Variants in ILDR2 observed in about 807,000 individuals in gnomAD.
ILDR2 encodes immunoglobulin-like domain-containing receptor 2.
ILDR2 carries 25 observed loss-of-function variants against 66.8 expected under a neutral mutation model. The observed-to-expected ratio is 0.37, with a 90% CI of 0.27 to 0.52. The LOEUF (loss-of-function observed/expected upper bound fraction) is 0.52, where lower values mean the gene tolerates loss of function less well. Among genes scored for constraint, ILDR2 ranks in the 20% least tolerant of loss-of-function variants. The probability of loss-of-function intolerance (pLI) is 0.88; values close to 1 mark genes in which losing one functional copy is unlikely to be tolerated. For missense variants in ILDR2, 827 were observed against 876.8 expected (o/e 0.94, Z 0.72); for synonymous variants, 367 against 357.2 (o/e 1.03, Z -0.31).
At chr1:166,896,632 C>A (rs1336229725) in intron 2 of ILDR2, among the ~76,000 whole-genome samples, 3 of 144,602 alleles carry the variant, frequency 2.1e-5, no homozygotes, top group African/African-American at 5.1e-5. Flanking sequence ...TTAACTTCAT[C>A]TACTTTTTTT....
intron 1 of ILDR2, 89 bp from the exon 2 acceptor site, chr1:166,958,190 C>T: frequency 9.3e-7 from 1 of 1,078,572 alleles, no homozygotes; most frequent in East Asian, 2.4e-5. Context: ...TTTCACTTCC[C>T]TAACTTGTGT....
At chr1:166,961,034 A>G (rs1053714253) in intron 1 of ILDR2, among the ~76,000 whole-genome samples, 2 of 152,196 alleles carry the variant, frequency 1.3e-5, no homozygotes, top group African/African-American at 4.8e-5. Flanking sequence ...GTGCTTGACC[A>G]CACCCCTTTT....
At chr1:166,925,848 T>C (rs1018366213) in intron 7 of ILDR2, among the ~76,000 whole-genome samples, 2 of 152,218 alleles carry the variant, frequency 1.3e-5, no homozygotes, top group Non-Finnish European at 2.9e-5. Context: ...AGTTTTAACC[T>C]TAGCTGTTAA....
At position 166,921,126 on chromosome 1, in the gene ILDR2, T is replaced by C. The variant is rs539298723; in HGVS notation, c.1465A>G (p.Thr489Ala). ...GQRSRSREPLTDADRGWAFSP... is the reference protein window; with the variant it reads ...GQRSRSREPLADADRGWAFSP... ...AAGGCCCAGCCGCGGTCAGCATCGG[T>C]CAGGGGCTCGCGGCTGCGGCTGCGC... Residue 489 changes from threonine (T) to alanine (A), a missense_variant, in exon 9 of 10, where the codon ACC becomes GCC. This residue lies in a region of ILDR2 where 390 missense variants were observed against 353.6 expected (regional missense o/e 1.10). Coordinates refer to ENST00000271417, the MANE Select transcript of ILDR2 (RefSeq NM_199351.3). The surrounding 1 kb of genome is among the most constrained non-coding windows in gnomAD (Gnocchi z 5.3). The C allele has an allele frequency of 8.2e-5, 126 of 1,529,590 alleles. 2 individuals are homozygous for C. The South Asian group carries it at 1.4e-3, about 17-fold the overall frequency. The allele number at this position is 1,529,590 out of a possible 1,614,324, so 94.8% of individuals were successfully genotyped here. A position where few individuals can be genotyped will look rare whatever the true frequency, so the allele number is the denominator to read the frequency against.
rs763977417 is a variant in ILDR2, at chr1:166,935,326, A to C, written c.855T>G (p.Ser285Arg). 1 of 1,614,114 alleles carries C rather than the reference A, an allele frequency of 6.2e-7. No homozygotes were observed. The highest frequency in any genetic ancestry group is 8.5e-7 in the Non-Finnish European group (1 of 1,180,024). ...CACTGTGGCTTCCTCCAGTGGAGTCACTTGGTGCCAAGGGAGGTGGATGCG... is the reference window on the plus strand; with the variant it reads ...CACTGTGGCTTCCTCCAGTGGAGTCCCTTGGTGCCAAGGGAGGTGGATGCG... ...DKPHPPPLAP[S>R]DSTGGSHSVR... The change falls in exon 6 of 10, where the codon AGT becomes AGG. Residue 285 changes from serine (S) to arginine (R), a missense_variant. Transcript: ENST00000271417.
At chr1:166,906,818 C>T (rs571190806), downstream of ILDR2, among the ~76,000 whole-genome samples, 89 of 152,144 alleles carry the variant, frequency 5.8e-4, no homozygotes, top group Non-Finnish European at 7.5e-4. Flanking sequence ...CAAGATATGA[C>T]GTGGCTGTAT....
chr1:166,956,047 C>T (rs1246065689), intron 3 of ILDR2, among the ~76,000 whole-genome samples: 1 of 152,172 alleles, frequency 6.6e-6, no homozygotes, highest in Non-Finnish European at 1.5e-5. Context: ...CAGAGGTCAG[C>T]TCCCACTGAC....
chr1:166,919,049 G>A lies in ILDR2; in HGVS notation c.*306C>T, dbSNP rs528231092. On this transcript the variant is annotated 3_prime_UTR_variant, in exon 10 of 10. Coordinates refer to ENST00000271417, the MANE Select transcript of ILDR2 (RefSeq NM_199351.3). ...CTAACTCTCTTTCAGAATTGCAAAT[G>A]GAGTCCTGGTTCTGTTAAGGGAGGA... 4.5e-6 allele frequency: 2 copies of A among 445,380 alleles called. No homozygotes were observed. The highest frequency in any genetic ancestry group is 3.8e-5 in the Admixed American group (1 of 26,284). 27.6% of individuals were successfully genotyped at this position (445,380 alleles called of 1,614,324 possible).
chr1:166,944,296 T>G (rs945665139), intron 3 of ILDR2, among the ~76,000 whole-genome samples: 2 of 152,210 alleles, frequency 1.3e-5, no homozygotes, highest in African/African-American at 2.4e-5. Context: ...ATTTATTCAT[T>G]CATCATTCAT....
chr1:166,950,726 T>TACACACACACAC (rs57212569), intron 3 of ILDR2, among the ~76,000 whole-genome samples: 154 of 146,714 alleles, frequency 1.0e-3, no homozygotes, highest in African/African-American at 3.6e-3. Flanking sequence ...TGATCTAAAA[T>TACACACACACAC]ACACACACAC....
chr1:166,904,216 A>G (rs1343615170), downstream of ILDR2, among the ~76,000 whole-genome samples: 1 of 152,230 alleles, frequency 6.6e-6, no homozygotes, highest in Non-Finnish European at 1.5e-5. Flanking sequence ...TCCTTGTGCA[A>G]TTATCTCTCA....
rs1414840927 is a variant in ILDR2, at chr1:166,917,498, G to C, written c.*1857C>G. On this transcript the variant is annotated 3_prime_UTR_variant, in exon 10 of 10. Transcript: ENST00000271417. ...TGTCCACGGATCCATAGACAGGGAA[G>C]AAACCACTGCTGGATTAAGGGATAG... 3 of 152,206 alleles carry C rather than the reference G, an allele frequency of 2.0e-5. No individual in the cohort carries two copies. The highest frequency in any genetic ancestry group is 1.3e-4 in the Admixed American group (2 of 15,278). 9.4% of individuals were successfully genotyped at this position (152,206 alleles called of 1,614,324 possible). A position where few individuals can be genotyped will look rare whatever the true frequency, so the allele number is the denominator to read the frequency against.
chr1:166,921,331 C>A lies in ILDR2; in HGVS notation c.1260G>T (p.Thr420=). 3.2e-6 allele frequency: 5 copies of A among 1,585,308 alleles called. No individual in the cohort carries two copies. The highest frequency in any genetic ancestry group is 4.3e-6 in the Non-Finnish European group (5 of 1,162,418). The change falls in exon 9 of 10, where the codon ACG becomes ACT. Residue 420 remains threonine (T), a synonymous_variant. Coordinates refer to ENST00000271417, the MANE Select transcript of ILDR2 (RefSeq NM_199351.3). The surrounding 1 kb of genome is among the most constrained non-coding windows in gnomAD (Gnocchi z 5.3). ...SEMLSRKNFA[T]GVPAVSMDEL... is the part of the protein sequence containing the mutation. ...CGTCCATGGAAACGGCCGGCACCCC[C>A]GTGGCGAAGTTCTTCCGCGACAGCA...
intron 2 of ILDR2, among the ~76,000 whole-genome samples, 172 bp downstream of exon 2, chr1:166,957,597 C>G (rs1662355725): frequency 6.6e-6 from 1 of 152,172 alleles, no homozygotes; most frequent in African/African-American, 2.4e-5. Flanking sequence ...TCCCCCTCAC[C>G]ATCCCGTTAG....
chr1:166,943,949 TCAAA>T (rs903909856), intron 3 of ILDR2: 37 of 622,074 alleles, frequency 5.9e-5, no homozygotes, highest in Middle Eastern at 7.9e-4. Flanking sequence ...ATGTAAGCGC[TCAAA>T]CAGTTTTCCC....
At chr1:166,971,064 C>T (rs1663259202) in intron 1 of ILDR2, among the ~76,000 whole-genome samples, 1 of 152,118 alleles carries the variant, frequency 6.6e-6, no homozygotes, top group Non-Finnish European at 1.5e-5. Context: ...GAAACCAGAC[C>T]AACTAATGAT....
chr1:166,936,091 A>G lies in ILDR2; in HGVS notation c.703+500T>C, dbSNP rs187113734. ...CTTGGCCAGTAAGGTAAAAATTGTG[A>G]ATCCTCAAATAAGAACTAGGCCCTA... On this transcript the variant is annotated intron_variant, in intron 5 of 9. Transcript: ENST00000271417. This position sits in a 1 kb window ranked among gnomAD's most constrained non-coding sequence, Gnocchi z 5.0. 3.3e-5 allele frequency among the ~76,000 whole-genome samples: 5 copies of G among 152,280 alleles called. No individual in the cohort carries two copies. The highest frequency in any genetic ancestry group is 1.2e-4 in the African/African-American group (5 of 41,562).
chr1:166,916,990 A>C lies in ILDR2; in HGVS notation c.*2365T>G, dbSNP rs973657508. The C allele has an allele frequency of 1.3e-5, 2 of 152,272 alleles. No individual in the cohort carries two copies. The highest frequency in any genetic ancestry group is 2.9e-5 in the Non-Finnish European group (2 of 68,062). The allele number at this position is 152,272 out of a possible 1,614,324, so 9.4% of individuals were successfully genotyped here. A position where few individuals can be genotyped will look rare whatever the true frequency, so the allele number is the denominator to read the frequency against. On this transcript the variant is annotated 3_prime_UTR_variant, in exon 10 of 10. Transcript: ENST00000271417. ...AGTATAAAGCGATAATAGCTACCAC[A>C]GCTACCCAATATTCTCCAAAATTGC...
In ILDR2 at chr1:166,915,826, C is replaced by T. The variant is rs552845392; in HGVS notation, c.*3529G>A. The stretch of plus-strand genomic sequence containing the variant: ...TTTCTCATCTCCAGTATGCCTAATC[C>T]TATGTCAAGTGCACAGTGAGGATCA... On this transcript the variant is annotated 3_prime_UTR_variant, in exon 10 of 10. Transcript: ENST00000271417. The T allele has an allele frequency of 6.6e-6, 1 of 152,266 alleles. No homozygotes were observed. Among genetic ancestry groups the T allele is most frequent in the African/African-American group, 2.4e-5 (1 of 41,530 alleles). 9.4% of individuals were successfully genotyped at this position (152,266 alleles called of 1,614,324 possible).
Sources: gnomAD v4.1 joint callset for allele counts (sites outside exome capture counted in the v4.1 genomes callset) on GRCh38, gnomAD v4.1.1 for gene constraint, gnomAD v4.1.1 regional missense constraint, Gnocchi (gnomAD v3.1) non-coding constraint, MANE v1.5 for transcripts, NCBI Gene and HGNC (gene_info 2026-07-23, HGNC 2026-07-21) for gene names.